Variants in RPAP2 observed in about 807,000 individuals in gnomAD.
RPAP2 encodes the protein RNA polymerase II associated protein 2, also known as putative RNA polymerase II subunit B1 CTD phosphatase RPAP2.
Under a neutral mutation model 73.1 loss-of-function variants are expected in RPAP2, and 52 were observed. The ratio of observed to expected loss-of-function variants is 0.71; its 90% CI spans 0.57 to 0.90. RPAP2 has a LOEUF of 0.90. Among genes scored for constraint, RPAP2 ranks in the 40% least tolerant of loss-of-function variants. The pLI is 0.00. For missense variants in RPAP2, 598 were observed against 701.8 expected (o/e 0.85, Z 1.67); for synonymous variants, 225 against 242.1 (o/e 0.93, Z 0.65).
rs981240611 is a variant in RPAP2, at chr1:92,401,972, T to C, written c.*14961T>C. The C allele has an allele frequency of 1.3e-5, 2 of 152,340 alleles. No individual in the cohort carries two copies. The highest frequency in any genetic ancestry group is 2.1e-4 in the South Asian group (1 of 4,828). The allele number at this position is 152,340 out of a possible 1,614,324, so 9.4% of individuals were successfully genotyped here. ...CAGGATTTTGCCTATGTTTGAAGGA[T>C]ATTGGTTTGTAATTTTTCTTGTAAC... is the stretch of plus-strand genomic sequence containing the variant. On this transcript the variant is annotated 3_prime_UTR_variant, in exon 13 of 13. Coordinates refer to ENST00000610020, the MANE Select transcript of RPAP2 (RefSeq NM_024813.3).
intron 11 of RPAP2, among the ~76,000 whole-genome samples, chr1:92,376,841 G>A (rs899278846): frequency 2.6e-5 from 4 of 152,162 alleles, no homozygotes; most frequent in African/African-American, 7.2e-5. Flanking sequence ...AAATTGTTTA[G>A]GTTCAAAGCC....
intron 10 of RPAP2, among the ~76,000 whole-genome samples, chr1:92,343,527 G>A (rs1407073990): frequency 6.6e-6 from 1 of 152,046 alleles, no homozygotes; most frequent in African/African-American, 2.4e-5. Flanking sequence ...TCAGATTAAT[G>A]TAACAAAATA....
Position 92,392,077 on chromosome 1 carries a change from C to CA in RPAP2, c.*5073dup, listed in dbSNP as rs1358756068. The CA allele has an allele frequency of 3.9e-5, 6 of 152,120 alleles. No individual in the cohort carries two copies. The highest frequency in any genetic ancestry group is 1.9e-4 in the East Asian group (1 of 5,174). 9.4% of individuals were successfully genotyped at this position (152,120 alleles called of 1,614,324 possible). Reference sequence around the variant, plus strand: ...ATACCAAAGCCTGGCAGAGACACAACAAAAAAAGAGAATTTTAGGCCAATA... The same window carrying CA: ...ATACCAAAGCCTGGCAGAGACACAACAAAAAAAAGAGAATTTTAGGCCAATA... On this transcript the variant is annotated 3_prime_UTR_variant, in exon 13 of 13. Transcript: ENST00000610020.
At chr1:92,385,615 C>A (rs1169758440) in intron 12 of RPAP2, among the ~76,000 whole-genome samples, 1 of 151,788 alleles carries the variant, frequency 6.6e-6, no homozygotes, top group African/African-American at 2.4e-5. Flanking sequence ...TATCTAGTAA[C>A]CTTTTGAAGA....
chr1:92,373,735 AAAAT>A lies in RPAP2; in HGVS notation c.1689-6985_1689-6982del, dbSNP rs1287988598. 2.2e-3 allele frequency among the ~76,000 whole-genome samples: 240 copies of A among 108,352 alleles called. 14 individuals are homozygous for A. The highest frequency in any genetic ancestry group is 0.012 in the African/African-American group (224 of 18,822). 71.1% of individuals were successfully genotyped at this position (108,352 alleles called of 152,430 possible). ...ACATGGTGAAACCCCGTCTCTACTAAAAATAAAAAAAAAAAAAAAAAAAAAAAAA... is the reference window on the plus strand; with the variant it reads ...ACATGGTGAAACCCCGTCTCTACTAAAAAAAAAAAAAAAAAAAAAAAAAAA... On this transcript the variant is annotated intron_variant, in intron 11 of 12. Transcript: ENST00000610020.
chr1:92,365,349 T>G (rs1654892155), intron 11 of RPAP2, among the ~76,000 whole-genome samples: 1 of 152,184 alleles, frequency 6.6e-6, no homozygotes, highest in Admixed American at 6.5e-5. Flanking sequence ...TTCACATCAG[T>G]TGTTTTCAAT....
intron 6 of RPAP2, among the ~76,000 whole-genome samples, chr1:92,316,010 A>T (rs532087436): frequency 1.2e-4 from 18 of 152,220 alleles, no homozygotes; most frequent in Non-Finnish European, 2.5e-4. Flanking sequence ...CACATAGGTA[A>T]TTATATAGTT....
intron 11 of RPAP2, 90 bp from the exon 12 acceptor site, chr1:92,380,634 T>C: frequency 1.2e-6 from 1 of 840,998 alleles, no homozygotes; most frequent in African/African-American, 1.8e-5. Context: ...TTTATTATTC[T>C]CATAAAATTT....
At position 92,393,939 on chromosome 1, in the gene RPAP2, C is replaced by A. The variant is rs1656118128; in HGVS notation, c.*6928C>A. ...GTGACGACTCCTCAAGGATCTAGAACTGGAAATACCATTTGACCCAGCAAT... is the reference window on the plus strand; with the variant it reads ...GTGACGACTCCTCAAGGATCTAGAAATGGAAATACCATTTGACCCAGCAAT... On this transcript the variant is annotated 3_prime_UTR_variant, in exon 13 of 13. Transcript: ENST00000610020. 6.6e-6 allele frequency: 1 copy of A among 152,178 alleles called. No individual in the cohort carries two copies. Among genetic ancestry groups the A allele is most frequent in the Non-Finnish European group, 1.5e-5 (1 of 68,036 alleles). 9.4% of individuals were successfully genotyped at this position (152,178 alleles called of 1,614,324 possible). A position where few individuals can be genotyped will look rare whatever the true frequency, so the allele number is the denominator to read the frequency against.
intron 5 of RPAP2, among the ~76,000 whole-genome samples, chr1:92,306,648 A>T (rs2101113694): frequency 6.6e-6 from 1 of 152,166 alleles, no homozygotes; most frequent in African/African-American, 2.4e-5. Flanking sequence ...GATAGAGACC[A>T]GCCTGGGCAA....
At chr1:92,352,616 C>A (rs964440551) in intron 11 of RPAP2, among the ~76,000 whole-genome samples, 7 of 152,272 alleles carry the variant, frequency 4.6e-5, no homozygotes, top group Admixed American at 2.0e-4. Flanking sequence ...ATTTGAAGAT[C>A]ATTGAAATTA....
chr1:92,299,195 C>G (rs1650585325), intron 1 of RPAP2, 49 bp downstream of exon 1: 2 of 1,211,560 alleles, frequency 1.7e-6, no homozygotes, highest in African/African-American at 1.6e-5. Context: ...AGCTGGGCCC[C>G]GATCTCGAGT....
chr1:92,336,283 C>A, intron 9 of RPAP2, 64 bp from the exon 10 acceptor site: 1 of 1,069,860 alleles, frequency 9.3e-7, no homozygotes, highest in South Asian at 1.4e-5. Context: ...CAGATCTAGG[C>A]ATGACCCAAA....
intron 6 of RPAP2, among the ~76,000 whole-genome samples, chr1:92,319,178 T>G (rs1024433528): frequency 6.6e-6 from 1 of 152,184 alleles, no homozygotes; most frequent in Non-Finnish European, 1.5e-5. Context: ...TCTCTGAAAC[T>G]CCTTTTGATT....
intron 12 of RPAP2, 59 bp downstream of exon 12, chr1:92,380,932 CT>C (rs879148251): frequency 0.058 from 57,535 of 990,142 alleles, no homozygotes; most frequent in South Asian, 0.076. Context: ...TATGTGGATT[CT>C]TTTTTTTTTT....
intron 10 of RPAP2, among the ~76,000 whole-genome samples, chr1:92,342,387 G>A (rs1320893107): frequency 6.6e-6 from 1 of 152,348 alleles, no homozygotes; most frequent in Admixed American, 6.5e-5. Context: ...GCAGAGGCAA[G>A]AGTAGAGAGA....
In RPAP2 at chr1:92,346,268, A is replaced by T. The variant is rs541009980; in HGVS notation, c.1688+354A>T. ...CACCTCTGCCTCCCAGGCTCAAGCA[A>T]TTCTCCCACCTCAGCCTCTCTAGTG... On this transcript the variant is annotated intron_variant, in intron 11 of 12. Coordinates refer to ENST00000610020, the MANE Select transcript of RPAP2 (RefSeq NM_024813.3). Among the ~76,000 whole-genome samples the T allele has an allele frequency of 1.8e-4, 28 of 151,966 alleles. No homozygotes were observed. The East Asian group carries it at 5.4e-3, about 29-fold the overall frequency.
chr1:92,329,008 G>A (rs192124156), intron 8 of RPAP2, among the ~76,000 whole-genome samples: 1 of 152,370 alleles, frequency 6.6e-6, no homozygotes, highest in East Asian at 1.9e-4. Context: ...GTCTTCAGCT[G>A]TGGATACCAG....
At chr1:92,355,352 G>T (rs1203854398) in intron 11 of RPAP2, among the ~76,000 whole-genome samples, 1 of 152,102 alleles carries the variant, frequency 6.6e-6, no homozygotes, top group East Asian at 1.9e-4. Context: ...AGGGATTGGA[G>T]TAAATCCAGG....
Sources: allele counts gnomAD v4.1 joint callset (sites outside exome capture counted in the v4.1 genomes callset), GRCh38; gene constraint gnomAD v4.1.1; transcripts MANE v1.5; gene names NCBI Gene and HGNC (gene_info 2026-07-23, HGNC 2026-07-21).